The following DSCAML1 variants were observed in gnomAD, a reference collection of about 807,000 sequenced individuals.
DSCAML1 encodes cell adhesion molecule DSCAML1.
Under a neutral mutation model 200.5 loss-of-function variants are expected in DSCAML1, and 38 were observed. The observed-to-expected ratio is 0.19, with a 90% CI of 0.15 to 0.25. The LOEUF (loss-of-function observed/expected upper bound fraction) is 0.25, where lower values mean the gene tolerates loss of function less well. Among genes scored for constraint, DSCAML1 ranks in the 10% least tolerant of loss-of-function variants. DSCAML1 has a pLI of 1.00. For synonymous variants in DSCAML1, 1,215 were observed against 1,165.0 expected (o/e 1.04, Z -0.87); for missense variants, 2,223 against 2,858.8 (o/e 0.78, Z 5.07).
chr11:117,574,074 G>C lies in DSCAML1; in HGVS notation c.512-41552C>G, dbSNP rs1031994908. Among the ~76,000 whole-genome samples the C allele has an allele frequency of 1.6e-4, 24 of 152,308 alleles. 1 individual carries two copies. Among genetic ancestry groups the C allele is most frequent in the Admixed American group, 1.2e-3 (19 of 15,290 alleles). ...ATTCTAGGAGCTGGATGGGAGGGAAGGGGGGCCAGTGTGTCCACCCACCCT... is the reference window on the plus strand; with the variant it reads ...ATTCTAGGAGCTGGATGGGAGGGAACGGGGGCCAGTGTGTCCACCCACCCT... On this transcript the variant is annotated intron_variant, in intron 3 of 32. Transcript: ENST00000651296.
At chr11:117,582,645 CAG>C (rs1047573951) in intron 3 of DSCAML1, among the ~76,000 whole-genome samples, 2 of 152,146 alleles carry the variant, frequency 1.3e-5, no homozygotes, top group Non-Finnish European at 1.5e-5. Context: ...AAGTGCAAAC[CAG>C]AGAGTGCCAG....
rs2049766323 is a variant in DSCAML1, at chr11:117,516,305, C to T, written c.1783+162G>A. Reference sequence around the variant, plus strand: ...ATGGCCTGCGTCCACCCACAGTCTTCTGCCCTGCTCCCTTTTTTCTGAATG... The same window carrying T: ...ATGGCCTGCGTCCACCCACAGTCTTTTGCCCTGCTCCCTTTTTTCTGAATG... On this transcript the variant is annotated intron_variant, in intron 8 of 32. Coordinates refer to ENST00000651296, the MANE Select transcript of DSCAML1 (RefSeq NM_020693.4). The surrounding 1 kb of genome is among the most constrained non-coding windows in gnomAD (Gnocchi z 5.7). 6.6e-6 allele frequency among the ~76,000 whole-genome samples: 1 copy of T among 152,226 alleles called. No individual in the cohort carries two copies. Among genetic ancestry groups the T allele is most frequent in the African/African-American group, 2.4e-5 (1 of 41,456 alleles).
At chr11:117,625,730 T>C (rs1164043954) in intron 3 of DSCAML1, among the ~76,000 whole-genome samples, 1 of 152,180 alleles carries the variant, frequency 6.6e-6, no homozygotes, top group African/African-American at 2.4e-5. Context: ...TGTTGGAAAA[T>C]GTGTCAGGCA....
At position 117,532,539 on chromosome 11, in the gene DSCAML1, G is replaced by A. The variant is rs201866240; in HGVS notation, c.512-17C>T. The A allele has an allele frequency of 2.0e-5, 32 of 1,608,874 alleles. No individual in the cohort carries two copies. The highest frequency in any genetic ancestry group is 2.5e-5 in the Non-Finnish European group (30 of 1,177,238). Reference sequence around the variant, plus strand: ...ACCTGTGTTCTGGAGACACAATCAGGACATAGTTCGTTACTTCCCGGTTTC... The same window carrying A: ...ACCTGTGTTCTGGAGACACAATCAGAACATAGTTCGTTACTTCCCGGTTTC... On this transcript the variant is annotated splice_polypyrimidine_tract_variant and intron_variant, in intron 3 of 32. Coordinates refer to ENST00000651296, the MANE Select transcript of DSCAML1 (RefSeq NM_020693.4).
chr11:117,715,982 A>G (rs571915447), intron 3 of DSCAML1, among the ~76,000 whole-genome samples: 4 of 152,334 alleles, frequency 2.6e-5, no homozygotes, highest in Non-Finnish European at 5.9e-5. Context: ...GTGTTGATTT[A>G]CGCTGCCCAA....
chr11:117,624,959 C>T lies in DSCAML1; in HGVS notation c.512-92437G>A, dbSNP rs184189391. Among the ~76,000 whole-genome samples the T allele has an allele frequency of 5.9e-5, 9 of 152,268 alleles. No homozygotes were observed. The East Asian group carries it at 1.7e-3, about 29-fold the overall frequency. On this transcript the variant is annotated intron_variant, in intron 3 of 32. Coordinates refer to ENST00000651296, the MANE Select transcript of DSCAML1 (RefSeq NM_020693.4). ...GTGCACATTGGAATCACCCAAGGAG[C>T]TTCAAAACCCACCCATGCCTGGTCT... is the stretch of plus-strand genomic sequence containing the variant.
chr11:117,585,565 G>C (rs767579857), intron 3 of DSCAML1, among the ~76,000 whole-genome samples: 1 of 152,222 alleles, frequency 6.6e-6, no homozygotes, highest in Non-Finnish European at 1.5e-5. Flanking sequence ...TTTTAAATGA[G>C]CAGTTTCAGT....
intron 19 of DSCAML1, among the ~76,000 whole-genome samples, chr11:117,456,293 C>G (rs183885954): frequency 6.6e-6 from 1 of 152,172 alleles, no homozygotes; most frequent in East Asian, 1.9e-4. Flanking sequence ...CTTAACCAAC[C>G]CTGGAGCTGT....
chr11:117,585,834 CT>C (rs1333195358), intron 3 of DSCAML1, among the ~76,000 whole-genome samples: 1 of 152,206 alleles, frequency 6.6e-6, no homozygotes, highest in Non-Finnish European at 1.5e-5. Flanking sequence ...TGGAGAACTT[CT>C]TGGCCATTTT....
intron 16 of DSCAML1, among the ~76,000 whole-genome samples, chr11:117,466,713 C>T (rs1308710137): frequency 6.6e-6 from 1 of 152,004 alleles, no homozygotes; most frequent in Non-Finnish European, 1.5e-5. Context: ...TCACGGGGAG[C>T]TCATGGTTCA....
At chr11:117,604,395 C>T (rs1032223532) in intron 3 of DSCAML1, among the ~76,000 whole-genome samples, 1 of 152,024 alleles carries the variant, frequency 6.6e-6, no homozygotes, top group Non-Finnish European at 1.5e-5. Flanking sequence ...GGCTGCTGCA[C>T]AGAGATCTCC....
Position 117,471,895 on chromosome 11 carries a change from T to C in DSCAML1, c.2927A>G (p.Glu976Gly), listed in dbSNP as rs200208683. ...NKIGRSEPSK[E>G]LTISTEEAAP... ...GGCCTCCTCAGTGCTGATGGTGAGC[T>C]CCTTGCTTGGTTCACTGCGGCCAAT... The change falls in exon 15 of 33, where the codon GAG becomes GGG. Residue 976 changes from glutamate (E) to glycine (G), a missense_variant. By Grantham distance (98) the Glu-to-Gly change is moderately conservative (BLOSUM62 -2). This residue lies in a region of DSCAML1 where 438 missense variants were observed against 629.7 expected (regional missense o/e 0.70). Coordinates refer to ENST00000651296, the MANE Select transcript of DSCAML1 (RefSeq NM_020693.4). The C allele has an allele frequency of 6.2e-7, 1 of 1,612,554 alleles. No homozygotes were observed. Among genetic ancestry groups the C allele is most frequent in the East Asian group, 2.2e-5 (1 of 44,864 alleles).
chr11:117,522,387 C>T (rs1940039), intron 5 of DSCAML1, among the ~76,000 whole-genome samples: 32,786 of 152,134 alleles, frequency 0.22, 3,694 homozygotes, highest in East Asian at 0.35. Context: ...GTCTCTCAGC[C>T]TCATAGGCCT....
At chr11:117,529,723 T>C (rs975077041) in intron 4 of DSCAML1, among the ~76,000 whole-genome samples, 3 of 151,726 alleles carry the variant, frequency 2.0e-5, no homozygotes, top group Admixed American at 6.6e-5. Context: ...GGTCCTGGCC[T>C]CTAGAGACTG....
intron 1 of DSCAML1, among the ~76,000 whole-genome samples, chr11:117,795,070 T>C (rs2055545566): frequency 6.6e-6 from 1 of 152,228 alleles, no homozygotes; most frequent in Admixed American, 6.5e-5. Context: ...CAACCCCATC[T>C]GCTCCCGCCC....
At chr11:117,606,262 G>A (rs940211854) in intron 3 of DSCAML1, among the ~76,000 whole-genome samples, 1 of 152,096 alleles carries the variant, frequency 6.6e-6, no homozygotes, top group Non-Finnish European at 1.5e-5. Flanking sequence ...GAAAATTAGG[G>A]ATTAGGAATG....
chr11:117,714,793 G>A (rs2053918420), intron 3 of DSCAML1, among the ~76,000 whole-genome samples: 1 of 144,564 alleles, frequency 6.9e-6, no homozygotes, highest in South Asian at 2.3e-4. Context: ...TTGCACTCCA[G>A]TATTGGAGAC....
At chr11:117,779,106 A>T (rs775029368) in intron 2 of DSCAML1, among the ~76,000 whole-genome samples, 11 of 152,174 alleles carry the variant, frequency 7.2e-5, no homozygotes, top group Non-Finnish European at 1.6e-4. Context: ...GCTGGTTGGG[A>T]GGCCTTTCCC....
At chr11:117,738,656 C>T (rs1308572459) in intron 3 of DSCAML1, among the ~76,000 whole-genome samples, 1 of 152,154 alleles carries the variant, frequency 6.6e-6, no homozygotes, top group Non-Finnish European at 1.5e-5. Context: ...GGCATTTCTT[C>T]CTTGGTCTGA....
Sources: allele counts gnomAD v4.1 joint callset (sites outside exome capture counted in the v4.1 genomes callset), GRCh38; gene constraint gnomAD v4.1.1; regional missense constraint gnomAD v4.1.1; non-coding constraint Gnocchi (gnomAD v3.1); transcripts MANE v1.5; gene names NCBI Gene and HGNC (gene_info 2026-07-23, HGNC 2026-07-21).